The following TBC1D8B variants were observed in gnomAD, a reference collection of about 807,000 sequenced individuals.
TBC1D8B encodes TBC1 domain family member 8B.
In TBC1D8B, 75 loss-of-function variants were observed where a neutral mutation model predicts 82.9. The ratio of observed to expected loss-of-function variants is 0.90; its 90% CI spans 0.75 to 1.10. TBC1D8B has a LOEUF of 1.10. TBC1D8B is among the 50% of genes least tolerant of loss of function. The pLI is 0.00. For synonymous variants in TBC1D8B, 276 were observed against 276.8 expected (o/e 1.00, Z 0.03); for missense variants, 794 against 796.9 (o/e 1.00, Z 0.04).
intron 14 of TBC1D8B, among the ~76,000 whole-genome samples, chrX:106,864,708 A>G (rs751866725): frequency 4.5e-5 from 5 of 110,006 alleles, no homozygotes; most frequent in African/African-American, 1.7e-4. Context: ...TAGTAGAGAC[A>G]GGGTTTCACC....
chrX:106,811,285 G>A (rs1931362656), intron 1 of TBC1D8B, among the ~76,000 whole-genome samples: 1 of 111,946 alleles, frequency 8.9e-6, no homozygotes, highest in Non-Finnish European at 1.9e-5. Context: ...AGCACTTTGG[G>A]AGGCCAAGGC....
chrX:106,866,851 A>G lies in TBC1D8B; in HGVS notation c.2717A>G (p.His906Arg), dbSNP rs775071963. 5.1e-6 allele frequency: 6 copies of G among 1,180,426 alleles called. No individual in the cohort carries two copies. The East Asian group carries it at 1.2e-4, about 24-fold the overall frequency. Reference protein sequence around the residue: ...TEKLKLLFKLHIPPAYTEVKS... With the variant: ...TEKLKLLFKLRIPPAYTEVKS... ...AAGCTTAAGCTGCTTTTTAAGCTAC[A>G]TATTCCTCCAGGTAAGAGTTTACCA... Residue 906 changes from histidine to arginine, a missense_variant, in exon 17 of 21, where the codon CAT becomes CGT. Coordinates refer to ENST00000357242, the MANE Select transcript of TBC1D8B (RefSeq NM_017752.3).
chrX:106,833,973 A>C (rs1932107782), intron 7 of TBC1D8B, among the ~76,000 whole-genome samples: 1 of 110,917 alleles, frequency 9.0e-6, no homozygotes, highest in Admixed American at 9.6e-5. Context: ...ATTTAAAAAA[A>C]AAAAGAAGGG....
At chrX:106,805,273 A>G (rs12006869) in intron 1 of TBC1D8B, among the ~76,000 whole-genome samples, 6,006 of 104,410 alleles carry the variant, frequency 0.058, 492 homozygotes, top group African/African-American at 0.2. Context: ...TTTTTTTTTT[A>G]AGAGACAGGC....
intron 10 of TBC1D8B, among the ~76,000 whole-genome samples, chrX:106,843,831 C>T (rs1231365106): frequency 9.0e-6 from 1 of 111,329 alleles, no homozygotes. Context: ...CTCTTCCAAC[C>T]CATAAACACA....
rs187701443 is a variant in TBC1D8B, at chrX:106,870,672, T to G, written c.2870-44T>G. On this transcript the variant is annotated intron_variant, in intron 19 of 20. Transcript: ENST00000357242. Reference sequence around the variant, plus strand: ...ATTATTTTTGAATTTTGGGAAAGTATAGTGGGCTGTTCCTTATGAAATGGT... The same window carrying G: ...ATTATTTTTGAATTTTGGGAAAGTAGAGTGGGCTGTTCCTTATGAAATGGT... 13 of 859,446 alleles carry G rather than the reference T, an allele frequency of 1.5e-5. No individual in the cohort carries two copies. The Admixed American group carries it at 3.3e-4, about 22-fold the overall frequency. 70.8% of individuals were successfully genotyped at this position (859,446 alleles called of 1,213,427 possible).
chrX:106,832,259 A>G (rs1434693235), intron 7 of TBC1D8B, among the ~76,000 whole-genome samples: 1 of 111,669 alleles, frequency 9.0e-6, no homozygotes, highest in Non-Finnish European at 1.9e-5. Context: ...AGTAATTGAA[A>G]TTATGCATGA....
chrX:106,825,579 A>G (rs956118439), intron 5 of TBC1D8B, among the ~76,000 whole-genome samples: 1 of 110,344 alleles, frequency 9.1e-6, no homozygotes, highest in Non-Finnish European at 1.9e-5. Flanking sequence ...TTAATAGACT[A>G]CTCTTTCCCT....
chrX:106,827,384 G>T (rs369375577), intron 7 of TBC1D8B, 47 bp downstream of exon 7: 4 of 1,174,839 alleles, frequency 3.4e-6, no homozygotes, highest in Non-Finnish European at 4.6e-6. Context: ...AAAGGTGTGT[G>T]TTTAGTGTAG....
chrX:106,821,373 T>G (rs1259567952), intron 3 of TBC1D8B, among the ~76,000 whole-genome samples: 1 of 110,841 alleles, frequency 9.0e-6, no homozygotes, highest in Non-Finnish European at 1.9e-5. Context: ...CTCTTGAGTT[T>G]TGAGTTGAAT....
In TBC1D8B at chrX:106,862,791, T is replaced by G. The variant is rs1048425598; in HGVS notation, c.2353-2768T>G. On this transcript the variant is annotated intron_variant, in intron 14 of 20. Coordinates refer to ENST00000357242, the MANE Select transcript of TBC1D8B (RefSeq NM_017752.3). ...GTTTTTTTTTGTTTTTTTTTTTTTTTTTTTTTTTTTTGCTTTTATCTTCTT... is the reference window on the plus strand; with the variant it reads ...GTTTTTTTTTGTTTTTTTTTTTTTTGTTTTTTTTTTTGCTTTTATCTTCTT... Among the ~76,000 whole-genome samples, 43 of 96,985 alleles carry G rather than the reference T, an allele frequency of 4.4e-4. 2 individuals are homozygous for G. Among genetic ancestry groups the G allele is most frequent in the Admixed American group, 2.9e-3 (26 of 8,825 alleles). The allele number at this position is 96,985 out of a possible 115,157, so 84.2% of individuals were successfully genotyped here. A position where few individuals can be genotyped will look rare whatever the true frequency, so the allele number is the denominator to read the frequency against.
At chrX:106,808,500 C>T in intron 1 of TBC1D8B, among the ~76,000 whole-genome samples, 1 of 112,139 alleles carries the variant, frequency 8.9e-6, no homozygotes, top group Non-Finnish European at 1.9e-5. Context: ...TAGATTATAT[C>T]TGATATGCAA....
Position 106,875,849 on chromosome X carries a change from A to G in TBC1D8B, c.*1884A>G, listed in dbSNP as rs1932884777. ...AGAATAGTACAGATTGCTGAGTATTATACTTTAGGCTAGATTAATTAAAAT... is the reference window on the plus strand; with the variant it reads ...AGAATAGTACAGATTGCTGAGTATTGTACTTTAGGCTAGATTAATTAAAAT... On this transcript the variant is annotated 3_prime_UTR_variant, in exon 21 of 21. Transcript: ENST00000357242. The G allele has an allele frequency of 8.9e-6, 1 of 112,506 alleles. No homozygotes were observed. The highest frequency in any genetic ancestry group is 1.9e-5 in the Non-Finnish European group (1 of 53,288). The allele number at this position is 112,506 out of a possible 1,213,427, so 9.3% of individuals were successfully genotyped here.
At chrX:106,843,582 C>T (rs1484379647) in intron 10 of TBC1D8B, among the ~76,000 whole-genome samples, 2 of 111,812 alleles carry the variant, frequency 1.8e-5, no homozygotes, top group East Asian at 5.6e-4. Context: ...ACCAGTGCCA[C>T]ATTGTCTTGA....
Position 106,823,236 on chromosome X carries a change from T to C in TBC1D8B, c.597T>C (p.Ile199=), listed in dbSNP as rs940526536. 1 of 1,206,479 alleles carries C rather than the reference T, an allele frequency of 8.3e-7. No individual in the cohort carries two copies. Among genetic ancestry groups the C allele is most frequent in the Non-Finnish European group, 1.1e-6 (1 of 891,942 alleles). The change falls in exon 5 of 21, where the codon ATT becomes ATC. Residue 199 remains isoleucine, a synonymous_variant. Coordinates refer to ENST00000357242, the MANE Select transcript of TBC1D8B (RefSeq NM_017752.3). ...ACCTCTTATTTGCAGTAAAACTCATTATCTCCTGGGATGAAGTCTCAAAAC... is the reference window on the plus strand; with the variant it reads ...ACCTCTTATTTGCAGTAAAACTCATCATCTCCTGGGATGAAGTCTCAAAAC... ...SFLLGSEIKL[I]ISWDEVSKLE...
intron 1 of TBC1D8B, among the ~76,000 whole-genome samples, chrX:106,804,805 C>T (rs936059145): frequency 1.8e-5 from 2 of 109,939 alleles, no homozygotes; most frequent in Non-Finnish European, 3.8e-5. Flanking sequence ...GGGAGGATGG[C>T]TTGAGCCTGG....
chrX:106,862,071 A>G (rs1195063966), intron 14 of TBC1D8B, among the ~76,000 whole-genome samples: 1 of 112,056 alleles, frequency 8.9e-6, no homozygotes, highest in East Asian at 2.8e-4. Flanking sequence ...TAGGCCTTCA[A>G]TCTTTTTTGG....
At position 106,875,325 on chromosome X, in the gene TBC1D8B, TGGAG is replaced by T. The variant is rs774098423; in HGVS notation, c.*1365_*1368del. 17 of 111,814 alleles carry T rather than the reference TGGAG, an allele frequency of 1.5e-4. No individual in the cohort carries two copies. Among genetic ancestry groups the T allele is most frequent in the Non-Finnish European group, 3.0e-4 (16 of 53,134 alleles). 9.2% of individuals were successfully genotyped at this position (111,814 alleles called of 1,213,427 possible). ...AGTGACTCAAGAGGTCTCCCTTTCT[TGGAG>T]GGAGTTGGTACAGTCAGCCTTTGGG... On this transcript the variant is annotated 3_prime_UTR_variant, in exon 21 of 21. Transcript: ENST00000357242.
chrX:106,830,390 T>C (rs1389252382), intron 7 of TBC1D8B, among the ~76,000 whole-genome samples: 1 of 111,602 alleles, frequency 9.0e-6, no homozygotes, highest in Non-Finnish European at 1.9e-5. Context: ...AGTGTGGCGA[T>C]TCCTCAGGGA....
Sources: gnomAD v4.1 joint callset for allele counts (sites outside exome capture counted in the v4.1 genomes callset) on GRCh38, gnomAD v4.1.1 for gene constraint, MANE v1.5 for transcripts, NCBI Gene and HGNC (gene_info 2026-07-23, HGNC 2026-07-21) for gene names.